Variants in EIF4G3 observed in about 807,000 individuals in gnomAD.
The protein encoded by EIF4G3 is eIF-4-gamma 3.
In EIF4G3, 34 loss-of-function variants were observed where a neutral mutation model predicts 186.4. The observed-to-expected ratio is 0.18, with a 90% CI of 0.14 to 0.24. The LOEUF (loss-of-function observed/expected upper bound fraction) is 0.24, where lower values mean the gene tolerates loss of function less well. Among genes scored for constraint, EIF4G3 ranks in the 10% least tolerant of loss-of-function variants. The pLI is 1.00. For missense variants in EIF4G3, 1,536 were observed against 1,948.5 expected, an observed-to-expected ratio of 0.79 and a Z score of 3.99; for synonymous variants, 673 against 679.5, an observed-to-expected ratio of 0.99 and a Z score of 0.15.
At chr1:21,003,761 C>T in intron 4 of EIF4G3, 1 of 453,854 alleles carries the variant, frequency 2.2e-6, no homozygotes, top group Admixed American at 2.3e-5. Context: ...CAACAATTTT[C>T]CCTGCTCTCT....
intron 2 of EIF4G3, among the ~76,000 whole-genome samples, chr1:21,125,804 A>ACACT (rs1200727248): frequency 3.0e-5 from 4 of 131,548 alleles, no homozygotes; most frequent in African/African-American, 1.1e-4. Context: ...ACACACACAC[A>ACACT]CTCTTATTAG....
chr1:20,993,877 G>A (rs1450585999), intron 7 of EIF4G3, among the ~76,000 whole-genome samples: 2 of 152,120 alleles, frequency 1.3e-5, no homozygotes, highest in Admixed American at 6.6e-5. Flanking sequence ...TCCTCCAACA[G>A]CTTTCATTTC....
rs149111084 is a variant in EIF4G3 at position 21,050,408 on chromosome 1, A to C, written c.-67+458T>G. Among the ~76,000 whole-genome samples, 301 of 152,342 alleles carry C rather than the reference A, an allele frequency of 2.0e-3. 1 individual carries two copies. The highest frequency in any genetic ancestry group is 3.1e-3 in the Non-Finnish European group (212 of 68,034). ...CAAAAACTTAAGCCTATCAAATTACAATAATCGACTTACAAAACAACCAAA... is the reference window on the plus strand; with the variant it reads ...CAAAAACTTAAGCCTATCAAATTACCATAATCGACTTACAAAACAACCAAA... On this transcript the variant is annotated intron_variant, in intron 4 of 36. Coordinates refer to ENST00000602326, the MANE Select transcript of EIF4G3 (RefSeq NM_001391906.1).
At chr1:20,882,701 G>T (rs925302160) in intron 19 of EIF4G3, among the ~76,000 whole-genome samples, 1 of 152,028 alleles carries the variant, frequency 6.6e-6, no homozygotes, top group African/African-American at 2.4e-5. Context: ...CAGCTACTTG[G>T]AAGGCTGAGG....
intron 2 of EIF4G3, among the ~76,000 whole-genome samples, chr1:21,133,943 C>T (rs1039446286): frequency 1.3e-5 from 2 of 152,080 alleles, no homozygotes; most frequent in African/African-American, 2.4e-5. Context: ...TGTTCTCAGT[C>T]GTTGAACTGT....
chr1:20,814,802 G>A (rs1405901439), intron 34 of EIF4G3, among the ~76,000 whole-genome samples: 1 of 58,688 alleles, frequency 1.7e-5, no homozygotes, highest in East Asian at 5.9e-4. Flanking sequence ...TCTCCCCACA[G>A]TCTCCTTCCA....
chr1:21,113,004 AG>A (rs2096752618), intron 2 of EIF4G3, among the ~76,000 whole-genome samples: 2 of 152,126 alleles, frequency 1.3e-5, no homozygotes, highest in Admixed American at 6.6e-5. Flanking sequence ...ATAAATATTT[AG>A]AAAAAGGGCT....
chr1:21,049,116 C>G (rs1219974351), intron 4 of EIF4G3, among the ~76,000 whole-genome samples: 2 of 152,176 alleles, frequency 1.3e-5, no homozygotes, highest in Non-Finnish European at 2.9e-5. Flanking sequence ...AGCCTTTTAG[C>G]CATTGTGCCC....
chr1:21,083,075 T>TAAAAAAAAAAAAAA (rs1553217323), intron 3 of EIF4G3, among the ~76,000 whole-genome samples: 5 of 110,048 alleles, frequency 4.5e-5, no homozygotes, highest in Admixed American at 8.7e-5. Context: ...AAAAAAAAAG[T>TAAAAAAAAAAAAAA]TTAAAAAATT....
intron 28 of EIF4G3, among the ~76,000 whole-genome samples, chr1:20,850,544 G>A (rs928826894): frequency 6.6e-6 from 1 of 152,198 alleles, no homozygotes; most frequent in Non-Finnish European, 1.5e-5. Context: ...ATATTTAAAA[G>A]AGGCTGAAAA....
intron 3 of EIF4G3, among the ~76,000 whole-genome samples, chr1:21,067,948 T>G (rs182844866): frequency 4.0e-5 from 6 of 151,372 alleles, no homozygotes; most frequent in East Asian, 1.9e-4. Flanking sequence ...AAAAATAAAA[T>G]AAAAAAAGAA....
rs371417888 is a variant in EIF4G3 at position 20,942,396 on chromosome 1, AATTCTTTCAAT to A, written c.824-77_824-67del. On this transcript the variant is annotated intron_variant, in intron 13 of 36. Transcript: ENST00000602326. Reference sequence around the variant, plus strand: ...CAGAGACTACATATTGCCTTGGGCCAATTCTTTCAATGTCTTACCCTAAATTACAGGTAACA... The same window carrying A: ...CAGAGACTACATATTGCCTTGGGCCAGTCTTACCCTAAATTACAGGTAACA... 1.3e-4 allele frequency: 195 copies of A among 1,452,706 alleles called. No individual in the cohort carries two copies. The African/African-American group carries it at 2.7e-3, about 20-fold the overall frequency. 90.0% of individuals were successfully genotyped at this position (1,452,706 alleles called of 1,614,324 possible).
At chr1:20,979,207 A>G (rs2077470158) in intron 10 of EIF4G3, among the ~76,000 whole-genome samples, 1 of 152,224 alleles carries the variant, frequency 6.6e-6, no homozygotes, top group Non-Finnish European at 1.5e-5. Context: ...TATCATTTTT[A>G]GTTCAGCATT....
intron 4 of EIF4G3, among the ~76,000 whole-genome samples, chr1:21,013,745 A>C (rs1433635980): frequency 6.6e-6 from 1 of 152,244 alleles, no homozygotes; most frequent in East Asian, 1.9e-4. Context: ...ATATACAAAC[A>C]CAGAAAAGGT....
chr1:21,037,236 G>T (rs1223525743), intron 4 of EIF4G3, among the ~76,000 whole-genome samples: 1 of 107,782 alleles, frequency 9.3e-6, no homozygotes, highest in Non-Finnish European at 1.9e-5. Flanking sequence ...TCAGAAAAAG[G>T]AAAAAAAAAA....
At chr1:20,848,312 A>C (rs540617389) in intron 29 of EIF4G3, among the ~76,000 whole-genome samples, 2 of 152,336 alleles carry the variant, frequency 1.3e-5, no homozygotes, top group Admixed American at 1.3e-4. Flanking sequence ...ATAGTGCCAA[A>C]GCAGCAAAAG....
chr1:21,139,455 G>A lies in EIF4G3; in HGVS notation c.-272+36720C>T, dbSNP rs183550881. 8.5e-4 allele frequency among the ~76,000 whole-genome samples: 129 copies of A among 151,534 alleles called. 1 individual carries two copies. Among genetic ancestry groups the A allele is most frequent in the African/African-American group, 2.8e-3 (117 of 41,320 alleles). ...GGGTGACAGAGTGAGACCCTGTCTC[G>A]GAAAAAAACAAAAAAAACTTAAACA... On this transcript the variant is annotated intron_variant, in intron 2 of 36. Coordinates refer to ENST00000602326, the MANE Select transcript of EIF4G3 (RefSeq NM_001391906.1).
At chr1:20,882,997 G>A (rs977784560) in intron 19 of EIF4G3, among the ~76,000 whole-genome samples, 3 of 151,602 alleles carry the variant, frequency 2.0e-5, no homozygotes, top group Non-Finnish European at 2.9e-5. Context: ...AGGGAGGATC[G>A]CTTGAGCCCA....
intron 13 of EIF4G3, among the ~76,000 whole-genome samples, chr1:20,944,645 TTAA>T (rs1430596067): frequency 6.6e-6 from 1 of 152,126 alleles, no homozygotes; most frequent in African/African-American, 2.4e-5. Context: ...AATTCAATTA[TTAA>T]TGTTGGGAAA....
Sources: gnomAD v4.1 joint callset for allele counts (sites outside exome capture counted in the v4.1 genomes callset) on GRCh38, gnomAD v4.1.1 for gene constraint, MANE v1.5 for transcripts, NCBI Gene and HGNC (gene_info 2026-07-23, HGNC 2026-07-21) for gene names.